The following COG5 variants were observed in gnomAD, a reference collection of about 807,000 sequenced individuals.
COG5 encodes conserved oligomeric Golgi complex subunit 5.
A neutral mutation model predicts 110.4 loss-of-function variants in COG5; 86 were observed. That is an observed-to-expected ratio of 0.78 (90% confidence interval 0.65 to 0.93). The LOEUF (loss-of-function observed/expected upper bound fraction) is 0.93. Ranked by LOEUF, COG5 falls within the 40% of genes least tolerant of loss-of-function variation. The pLI is 0.00. For synonymous variants in COG5, 360 were observed against 334.6 expected (o/e 1.08, Z -0.83); for missense variants, 1,077 against 987.0 (o/e 1.09, Z -1.22).
intron 10 of COG5, among the ~76,000 whole-genome samples, chr7:107,331,311 CA>C (rs1387432901): frequency 1.8e-4 from 27 of 151,640 alleles, no homozygotes; most frequent in African/African-American, 6.1e-4. Flanking sequence ...ACTAAAAATA[CA>C]AAAAAATTAG....
At chr7:107,319,740 A>T (rs1399939821) in intron 11 of COG5, among the ~76,000 whole-genome samples, 1 of 152,186 alleles carries the variant, frequency 6.6e-6, no homozygotes, top group East Asian at 1.9e-4. Context: ...GATCCAACAC[A>T]ACTAATCTCT....
chr7:107,249,136 G>A (rs1802285033), intron 16 of COG5, among the ~76,000 whole-genome samples: 2 of 152,110 alleles, frequency 1.3e-5, no homozygotes, highest in Non-Finnish European at 2.9e-5. Context: ...TTCTAATAGG[G>A]CACAACAGTT....
chr7:107,266,251 G>C (rs1219614411), intron 14 of COG5, among the ~76,000 whole-genome samples: 1 of 152,078 alleles, frequency 6.6e-6, no homozygotes, highest in East Asian at 1.9e-4. Flanking sequence ...GATAATAAAT[G>C]AAACTAATTT....
chr7:107,225,796 A>T (rs1457288759), intron 19 of COG5, among the ~76,000 whole-genome samples: 4 of 152,086 alleles, frequency 2.6e-5, no homozygotes, highest in Non-Finnish European at 5.9e-5. Context: ...TAATCCCAAC[A>T]CTTTGGGAGG....
At chr7:107,313,375 T>A (rs1808449160) in intron 11 of COG5, among the ~76,000 whole-genome samples, 1 of 152,150 alleles carries the variant, frequency 6.6e-6, no homozygotes, top group South Asian at 2.1e-4. Context: ...TACCGAATAT[T>A]AACAAGCATG....
At chr7:107,218,597 G>A (rs1003092395) in intron 19 of COG5, among the ~76,000 whole-genome samples, 33 of 152,072 alleles carry the variant, frequency 2.2e-4, no homozygotes, top group Admixed American at 7.2e-4. Flanking sequence ...AAAACACAAT[G>A]GGAAAAGGAC....
At chr7:107,493,415 C>T (rs997076894) in intron 6 of COG5, among the ~76,000 whole-genome samples, 5 of 152,168 alleles carry the variant, frequency 3.3e-5, no homozygotes, top group Non-Finnish European at 7.4e-5. Flanking sequence ...AATATTACCA[C>T]TATGAGTAAA....
intron 6 of COG5, among the ~76,000 whole-genome samples, chr7:107,509,991 C>G (rs1418466791): frequency 6.6e-6 from 1 of 152,166 alleles, no homozygotes; most frequent in Non-Finnish European, 1.5e-5. Context: ...ACTGCATCAA[C>G]TAACGAGCAA....
At chr7:107,369,521 G>GTA (rs1478396212) in intron 8 of COG5, among the ~76,000 whole-genome samples, 1 of 151,642 alleles carries the variant, frequency 6.6e-6, no homozygotes, top group African/African-American at 2.4e-5. Context: ...TGAATAGCTG[G>GTA]GATTACAGGC....
intron 11 of COG5, among the ~76,000 whole-genome samples, chr7:107,308,603 T>C (rs191769146): frequency 1.4e-4 from 22 of 152,214 alleles, no homozygotes; most frequent in Admixed American, 9.2e-4. Flanking sequence ...CTTAAATAAA[T>C]AGAAATTTAT....
chr7:107,367,814 A>C (rs1056359141), intron 8 of COG5, among the ~76,000 whole-genome samples: 4 of 152,052 alleles, frequency 2.6e-5, no homozygotes, highest in African/African-American at 9.7e-5. Flanking sequence ...GGGCTAAAAA[A>C]CAGCATATTA....
At chr7:107,212,554 G>A (rs1340705767) in intron 19 of COG5, among the ~76,000 whole-genome samples, 1 of 152,170 alleles carries the variant, frequency 6.6e-6, no homozygotes, top group Non-Finnish European at 1.5e-5. Context: ...CTTCATCTAG[G>A]TAAAAGCTCC....
At chr7:107,518,772 A>C (rs1224441332) in intron 6 of COG5, among the ~76,000 whole-genome samples, 2 of 152,174 alleles carry the variant, frequency 1.3e-5, no homozygotes, top group African/African-American at 4.8e-5. Context: ...ATTAACGAGG[A>C]TATTCACGAC....
chr7:107,217,729 C>T (rs754100763), intron 19 of COG5, among the ~76,000 whole-genome samples: 3 of 151,948 alleles, frequency 2.0e-5, no homozygotes, highest in Non-Finnish European at 2.9e-5. Context: ...TTAACGGCCA[C>T]ATACGATAAG....
chr7:107,269,673 AATTAAAG>A (rs1422745716), intron 14 of COG5, among the ~76,000 whole-genome samples: 1 of 152,094 alleles, frequency 6.6e-6, no homozygotes, highest in Non-Finnish European at 1.5e-5. Flanking sequence ...TATTTTATGC[AATTAAAG>A]ATTAGATTTA....
chr7:107,231,319 A>G (rs1170755258), intron 18 of COG5, among the ~76,000 whole-genome samples: 2 of 152,182 alleles, frequency 1.3e-5, no homozygotes, highest in African/African-American at 4.8e-5. Flanking sequence ...ATTGTCAGCA[A>G]TTATTATCAG....
At chr7:107,350,407 T>C (rs1036501676) in intron 10 of COG5, among the ~76,000 whole-genome samples, 12 of 152,224 alleles carry the variant, frequency 7.9e-5, no homozygotes, top group African/African-American at 1.4e-4. Flanking sequence ...TTTTCATATC[T>C]ACCTAGTAAT....
Position 107,202,028 on chromosome 7 carries a change from T to C in COG5, c.*1488A>G, listed in dbSNP as rs1798359616. The C allele has an allele frequency of 6.5e-6, 1 of 152,694 alleles. No individual in the cohort carries two copies. Among genetic ancestry groups the C allele is most frequent in the South Asian group, 2.1e-4 (1 of 4,834 alleles). 9.5% of individuals were successfully genotyped at this position (152,694 alleles called of 1,614,324 possible). A position where few individuals can be genotyped will look rare whatever the true frequency, so the allele number is the denominator to read the frequency against. ...TAAGAGCCACCTGCTGCAGTTACCA[T>C]GGCATGCTGAGTTGATGCACCAGGT... is the stretch of plus-strand genomic sequence containing the variant. On this transcript the variant is annotated 3_prime_UTR_variant, in exon 22 of 22. Transcript: ENST00000297135.
rs772024182 is a variant in COG5 at position 107,211,132 on chromosome 7, C to A, written c.2262G>T (p.Thr754=). The A allele has an allele frequency of 1.9e-6, 3 of 1,613,900 alleles. No homozygotes were observed. The highest frequency in any genetic ancestry group is 1.7e-5 in the Admixed American group (1 of 59,996). ...GAGATTTCAGTTCAGCGGGTGCTCT[C>A]GTGAACAAAAACTGAATAATGATGC... ...PFSIIIQFLF[T]RAPAELKSPF... is the part of the protein sequence containing the mutation. The change falls in exon 20 of 22, where the codon ACG becomes ACT. Residue 754 remains threonine (T), a synonymous_variant. Coordinates refer to ENST00000297135, the MANE Select transcript of COG5 (RefSeq NM_006348.5).
Sources: allele counts gnomAD v4.1 joint callset (sites outside exome capture counted in the v4.1 genomes callset), GRCh38; gene constraint gnomAD v4.1.1; transcripts MANE v1.5; gene names NCBI Gene and HGNC (gene_info 2026-07-23, HGNC 2026-07-21).